Variants in UNC5D observed in about 807,000 individuals in gnomAD.
The protein encoded by UNC5D is unc-5 netrin receptor D.
A neutral mutation model predicts 105.4 loss-of-function variants in UNC5D; 39 were observed. That is an observed-to-expected ratio of 0.37 (90% CI 0.29 to 0.48). UNC5D has a LOEUF of 0.48. Among genes scored for constraint, UNC5D ranks in the 20% least tolerant of loss-of-function variants. The pLI is 0.98. For synonymous variants in UNC5D, 452 were observed against 450.4 expected (o/e 1.00, Z -0.04); for missense variants, 991 against 1,202.4 (o/e 0.82, Z 2.60).
rs376460784 is a variant in UNC5D, at chr8:35,246,538, C to T, written c.103+10651C>T. Among the ~76,000 whole-genome samples the T allele has an allele frequency of 1.3e-5, 2 of 152,202 alleles. 1 individual carries two copies. The highest frequency in any genetic ancestry group is 4.8e-5 in the African/African-American group (2 of 41,532). ...CACCCTCTGCCATAGCTCACCATTG[C>T]TCAGTTGGGTGTATGGGACCCCTCT... is the stretch of plus-strand genomic sequence containing the variant. On this transcript the variant is annotated intron_variant, in intron 1 of 16. Transcript: ENST00000404895.
intron 1 of UNC5D, among the ~76,000 whole-genome samples, chr8:35,323,985 T>C (rs1054599660): frequency 6.6e-6 from 1 of 152,022 alleles, no homozygotes; most frequent in Admixed American, 6.6e-5. Flanking sequence ...ATCCCAGCAC[T>C]TTGGGAAGCC....
intron 4 of UNC5D, among the ~76,000 whole-genome samples, chr8:35,667,425 T>A (rs1486130866): frequency 6.6e-6 from 1 of 152,136 alleles, no homozygotes; most frequent in Non-Finnish European, 1.5e-5. Flanking sequence ...CTGGAGGATC[T>A]CAATACAGGA....
At chr8:35,501,732 A>G (rs1158090863) in intron 1 of UNC5D, among the ~76,000 whole-genome samples, 1 of 152,232 alleles carries the variant, frequency 6.6e-6, no homozygotes, top group African/African-American at 2.4e-5. Context: ...TACCATCATT[A>G]GAATGTACTT....
intron 4 of UNC5D, among the ~76,000 whole-genome samples, chr8:35,613,018 G>A (rs1452910406): frequency 3.9e-5 from 6 of 151,996 alleles, no homozygotes; most frequent in Non-Finnish European, 7.4e-5. Context: ...TGGTGGCAGA[G>A]GTACCCCACT....
At chr8:35,595,458 G>A (rs1186862534) in intron 3 of UNC5D, 96 bp from the exon 4 acceptor site, 3 of 945,790 alleles carry the variant, frequency 3.2e-6, no homozygotes, top group East Asian at 4.8e-5. Flanking sequence ...TGTGTGTCTA[G>A]GTTGTGATAT....
At chr8:35,571,585 T>C (rs926409693) in intron 3 of UNC5D, among the ~76,000 whole-genome samples, 3 of 152,154 alleles carry the variant, frequency 2.0e-5, no homozygotes, top group African/African-American at 7.2e-5. Flanking sequence ...TAGAATTCTT[T>C]TGATTTGCTT....
At chr8:35,299,699 A>G (rs905243513) in intron 1 of UNC5D, among the ~76,000 whole-genome samples, 3 of 152,208 alleles carry the variant, frequency 2.0e-5, no homozygotes, top group Non-Finnish European at 4.4e-5. Flanking sequence ...ATATGAAAAG[A>G]CAAGTGGATA....
intron 1 of UNC5D, among the ~76,000 whole-genome samples, chr8:35,447,651 G>A (rs762258946): frequency 7.2e-5 from 11 of 152,014 alleles, no homozygotes; most frequent in Admixed American, 3.9e-4. Context: ...TTGTGTCCCC[G>A]CATATCCCAA....
chr8:35,358,909 T>C (rs1468349965), intron 1 of UNC5D, among the ~76,000 whole-genome samples: 1 of 152,248 alleles, frequency 6.6e-6, no homozygotes, highest in Non-Finnish European at 1.5e-5. Flanking sequence ...TGGGTTTTTA[T>C]ATGAATGAGT....
chr8:35,257,990 C>T (rs777189558), intron 1 of UNC5D, among the ~76,000 whole-genome samples: 4 of 152,106 alleles, frequency 2.6e-5, no homozygotes, highest in Non-Finnish European at 4.4e-5. Flanking sequence ...TTAATCCATT[C>T]GTGGTACTAT....
chr8:35,386,472 T>C lies in UNC5D; in HGVS notation c.103+150585T>C, dbSNP rs191068757. 1.3e-3 allele frequency among the ~76,000 whole-genome samples: 191 copies of C among 152,306 alleles called. 5 individuals are homozygous for C. The East Asian group carries it at 0.032, about 25-fold the overall frequency. On this transcript the variant is annotated intron_variant, in intron 1 of 16. Coordinates refer to ENST00000404895, the MANE Select transcript of UNC5D (RefSeq NM_080872.4). The stretch of plus-strand genomic sequence containing the variant: ...GTGATTTCTTCTGTTAATTGTTTTT[T>C]ACTAAAGAGAGGCTCAGTGCTGTGA...
At chr8:35,419,764 C>T (rs1171505295) in intron 1 of UNC5D, among the ~76,000 whole-genome samples, 1 of 152,180 alleles carries the variant, frequency 6.6e-6, no homozygotes, top group Non-Finnish European at 1.5e-5. Context: ...CACAGTGTTA[C>T]TGGTCCTTTT....
chr8:35,654,552 C>T (rs571779781), intron 4 of UNC5D, among the ~76,000 whole-genome samples: 1 of 152,300 alleles, frequency 6.6e-6, no homozygotes, highest in South Asian at 2.1e-4. Flanking sequence ...TCACCCAGAT[C>T]ACTCCTTGAG....
chr8:35,723,279 A>C (rs1274717264), intron 9 of UNC5D, among the ~76,000 whole-genome samples: 1 of 152,192 alleles, frequency 6.6e-6, no homozygotes, highest in African/African-American at 2.4e-5. Context: ...GAAAAAATTG[A>C]GAGATGGCCA....
chr8:35,514,658 G>A (rs967868512), intron 1 of UNC5D, among the ~76,000 whole-genome samples: 12 of 152,088 alleles, frequency 7.9e-5, no homozygotes, highest in African/African-American at 2.9e-4. Flanking sequence ...GGCTTTTTGT[G>A]TCTGAAAATA....
intron 1 of UNC5D, among the ~76,000 whole-genome samples, chr8:35,516,306 G>A (rs979279316): frequency 2.0e-5 from 3 of 152,144 alleles, no homozygotes; most frequent in African/African-American, 7.2e-5. Context: ...GCATTTTGTT[G>A]TGTTGTTGTT....
In UNC5D at chr8:35,430,849, G is replaced by A. The variant is rs143971400; in HGVS notation, c.104-118443G>A. On this transcript the variant is annotated intron_variant, in intron 1 of 16. Coordinates refer to ENST00000404895, the MANE Select transcript of UNC5D (RefSeq NM_080872.4). The stretch of plus-strand genomic sequence containing the variant: ...CTACCTCAAAGCCCAGAGTAAGAGT[G>A]CAGAGTGACAGATGATGGAAGAAGC... Among the ~76,000 whole-genome samples, 31 of 152,294 alleles carry A rather than the reference G, an allele frequency of 2.0e-4. No homozygotes were observed. In the East Asian group the frequency reaches 4.6e-3, roughly 23 times the overall value.
chr8:35,582,750 A>G (rs539192360), intron 3 of UNC5D, among the ~76,000 whole-genome samples: 1 of 152,212 alleles, frequency 6.6e-6, no homozygotes, highest in East Asian at 1.9e-4. Flanking sequence ...ATCCCTCTCC[A>G]GGAGTGGTAG....
At chr8:35,573,482 A>C (rs1461617299) in intron 3 of UNC5D, among the ~76,000 whole-genome samples, 1 of 152,168 alleles carries the variant, frequency 6.6e-6, no homozygotes, top group African/African-American at 2.4e-5. Flanking sequence ...AAGAAAAAAA[A>C]GTTAGGTGAT....
Sources: gnomAD v4.1 joint callset for allele counts (sites outside exome capture counted in the v4.1 genomes callset) on GRCh38, gnomAD v4.1.1 for gene constraint, MANE v1.5 for transcripts, NCBI Gene and HGNC (gene_info 2026-07-23, HGNC 2026-07-21) for gene names.